The following GRIK1 variants were observed in gnomAD, a reference collection of about 807,000 sequenced individuals.
GRIK1 encodes glutamate ionotropic receptor kainate type subunit 1, also known as glutamate receptor ionotropic, kainate 1.
GRIK1 carries 69 observed loss-of-function variants against 105.7 expected under a neutral mutation model. The ratio of observed to expected loss-of-function variants is 0.65; its 90% CI spans 0.54 to 0.80. GRIK1 has a LOEUF of 0.80. GRIK1 is among the 30% of genes least tolerant of loss of function. The probability of loss-of-function intolerance (pLI) is 0.00; values close to 1 mark genes in which losing one functional copy is unlikely to be tolerated. For synonymous variants in GRIK1, 438 were observed against 431.3 expected (o/e 1.02, Z -0.19); for missense variants, 1,109 against 1,167.3 (o/e 0.95, Z 0.73).
chr21:29,896,076 G>C (rs1178543614), intron 1 of GRIK1, among the ~76,000 whole-genome samples: 4 of 152,140 alleles, frequency 2.6e-5, no homozygotes, highest in Admixed American at 1.3e-4. Flanking sequence ...TCACTAAACT[G>C]ATATTCTATC....
rs1211132095 is a variant in GRIK1, at chr21:29,879,247, T to C, written c.118+60136A>G. On this transcript the variant is annotated intron_variant, in intron 1 of 17. Transcript: ENST00000327783. ...TATTAGAAATTTCTAAAAATGCTGT[T>C]GGAATTGGTGGTCTGGAGTTCTTAG... Among the ~76,000 whole-genome samples the C allele has an allele frequency of 3.3e-5, 5 of 152,122 alleles. No homozygotes were observed. The East Asian group carries it at 9.7e-4, about 29-fold the overall frequency.
rs1188998473 is a variant in GRIK1, at chr21:29,936,398, A to G, written c.118+2985T>C. ...AGTTTACCTAGATCCTGTTCTAACC[A>G]TTAGTTATAAGTCAGCCACCCAATT... On this transcript the variant is annotated intron_variant, in intron 1 of 17. Transcript: ENST00000327783. Among the ~76,000 whole-genome samples, 9 of 152,338 alleles carry G rather than the reference A, an allele frequency of 5.9e-5. No individual in the cohort carries two copies. The East Asian group carries it at 1.3e-3, about 23-fold the overall frequency.
chr21:29,734,369 T>G, intron 1 of GRIK1, among the ~76,000 whole-genome samples: 1 of 31,824 alleles, frequency 3.1e-5, no homozygotes, highest in Non-Finnish European at 8.2e-5. Flanking sequence ...TTCTTTTCTT[T>G]TCTTTTCTTT....
chr21:29,640,161 T>TA (rs11341269), intron 7 of GRIK1, among the ~76,000 whole-genome samples: 104 of 146,774 alleles, frequency 7.1e-4, no homozygotes, highest in Middle Eastern at 6.9e-3. Flanking sequence ...GAGAATAACT[T>TA]AAAAAAAAAA....
At chr21:29,685,234 G>A (rs1321229015) in intron 3 of GRIK1, among the ~76,000 whole-genome samples, 1 of 152,136 alleles carries the variant, frequency 6.6e-6, no homozygotes, top group East Asian at 1.9e-4. Context: ...TTAGATCTCA[G>A]GAAAAGGCAG....
At chr21:29,851,584 A>C (rs2068306137) in intron 1 of GRIK1, among the ~76,000 whole-genome samples, 1 of 152,298 alleles carries the variant, frequency 6.6e-6, no homozygotes, top group South Asian at 2.1e-4. Context: ...CTTTAGCTTG[A>C]GTCCTGGTTC....
rs372139608 is a variant in GRIK1, at chr21:29,689,790, A to C, written c.482T>G (p.Ile161Ser). The change falls in exon 3 of 18, where the codon ATC (isoleucine) becomes AGC (serine). Residue 161 changes from isoleucine to serine, a missense_variant. Ile to Ser is a moderately radical substitution (Grantham distance 142). Around this residue, in one of 5 missense-constraint regions of GRIK1, gnomAD observed 612 missense variants for 586.0 expected, o/e 1.04. Transcript: ENST00000327783. ...YPDYAAISRA[I>S]LDLVLYYNWK... Reference sequence around the variant, plus strand: ...GTTGTAATAGAGGACCAGATCCAGGATCGCCCTGCTGATAGCTGCATAATC... The same window carrying C: ...GTTGTAATAGAGGACCAGATCCAGGCTCGCCCTGCTGATAGCTGCATAATC... 15 of 1,613,836 alleles carry C rather than the reference A, an allele frequency of 9.3e-6. No individual in the cohort carries two copies. Among genetic ancestry groups the C allele is most frequent in the Non-Finnish European group, 1.3e-5 (15 of 1,179,816 alleles).
intron 16 of GRIK1, among the ~76,000 whole-genome samples, chr21:29,544,822 A>C (rs574048362): frequency 1.3e-5 from 2 of 152,342 alleles, no homozygotes; most frequent in African/African-American, 4.8e-5. Context: ...AGCTGCTCTC[A>C]AGGAGAAAAG....
chr21:29,542,807 A>G (rs2089992556), intron 16 of GRIK1, among the ~76,000 whole-genome samples: 1 of 152,234 alleles, frequency 6.6e-6, no homozygotes, highest in Non-Finnish European at 1.5e-5. Context: ...ATAATACAAT[A>G]CAAATCTTAC....
At chr21:29,873,147 T>A (rs2069078108) in intron 1 of GRIK1, among the ~76,000 whole-genome samples, 1 of 152,174 alleles carries the variant, frequency 6.6e-6, no homozygotes, top group African/African-American at 2.4e-5. Flanking sequence ...GCCTTAGAAA[T>A]CTCATAGTTT....
chr21:29,799,344 A>G (rs1038644209), intron 1 of GRIK1, among the ~76,000 whole-genome samples: 1 of 152,202 alleles, frequency 6.6e-6, no homozygotes, highest in African/African-American at 2.4e-5. Context: ...GGAATGTCTC[A>G]CTTAAGGTAG....
intron 1 of GRIK1, among the ~76,000 whole-genome samples, chr21:29,708,919 A>C (rs2063979049): frequency 6.6e-6 from 1 of 152,152 alleles, no homozygotes; most frequent in African/African-American, 2.4e-5. Context: ...TATAATTGCT[A>C]TTGGGTTTTT....
At chr21:29,603,269 A>G (rs2061551953) in intron 7 of GRIK1, among the ~76,000 whole-genome samples, 1 of 151,974 alleles carries the variant, frequency 6.6e-6, no homozygotes, top group Non-Finnish European at 1.5e-5. Context: ...TATGTGGACA[A>G]GAAAAGGCTC....
At chr21:29,674,406 G>A (rs1197395061) in intron 3 of GRIK1, among the ~76,000 whole-genome samples, 1 of 151,992 alleles carries the variant, frequency 6.6e-6, no homozygotes, top group Non-Finnish European at 1.5e-5. Context: ...AGAGTTAAAT[G>A]TGTAGGAGTA....
intron 1 of GRIK1, among the ~76,000 whole-genome samples, chr21:29,848,774 TA>T (rs1183690650): frequency 1.1e-3 from 109 of 103,282 alleles, no homozygotes; most frequent in African/African-American, 5.0e-3. Context: ...TATATATATA[TA>T]TATATTTTTT....
intron 1 of GRIK1, among the ~76,000 whole-genome samples, chr21:29,937,127 C>G (rs778130873): frequency 6.6e-6 from 1 of 152,168 alleles, no homozygotes; most frequent in African/African-American, 2.4e-5. Flanking sequence ...GGCTTAGTCC[C>G]CAACCCCTTT....
At chr21:29,538,607 C>A (rs1413052421) in intron 16 of GRIK1, among the ~76,000 whole-genome samples, 1 of 152,058 alleles carries the variant, frequency 6.6e-6, no homozygotes, top group African/African-American at 2.4e-5. Context: ...AAAACCATAG[C>A]CTTTGGTAAA....
At chr21:29,573,717 C>T (rs1468232779) in intron 14 of GRIK1, among the ~76,000 whole-genome samples, 1 of 152,114 alleles carries the variant, frequency 6.6e-6, no homozygotes, top group Non-Finnish European at 1.5e-5. Context: ...GGCATGGTAG[C>T]ATGCACCTGT....
chr21:29,628,717 T>C (rs535361796), intron 7 of GRIK1, among the ~76,000 whole-genome samples: 1 of 152,288 alleles, frequency 6.6e-6, no homozygotes, highest in African/African-American at 2.4e-5. Context: ...TGGGTGGGAA[T>C]GGGGCTCTTG....
Sources: allele counts gnomAD v4.1 joint callset (sites outside exome capture counted in the v4.1 genomes callset), GRCh38; gene constraint gnomAD v4.1.1; regional missense constraint gnomAD v4.1.1; transcripts MANE v1.5; gene names NCBI Gene and HGNC (gene_info 2026-07-23, HGNC 2026-07-21).